Variants in GRID1 observed in about 807,000 individuals in gnomAD.
The protein encoded by GRID1 is glutamate receptor ionotropic, delta-1.
GRID1 carries 28 observed loss-of-function variants against 98.0 expected under a neutral mutation model. The observed-to-expected ratio is 0.29, with a 90% CI of 0.21 to 0.39. The LOEUF is 0.39. Ranked by LOEUF, GRID1 falls within the 10% of genes least tolerant of loss-of-function variation. The pLI, the probability that GRID1 is intolerant of heterozygous loss-of-function variation, is 1.00. For missense variants in GRID1, 1,111 were observed against 1,340.5 expected (o/e 0.83, Z 2.67); for synonymous variants, 553 against 538.5 (o/e 1.03, Z -0.37).
At chr10:85,840,007 G>A (rs1410498863) in intron 8 of GRID1, among the ~76,000 whole-genome samples, 2 of 152,072 alleles carry the variant, frequency 1.3e-5, no homozygotes, top group African/African-American at 4.8e-5. Flanking sequence ...AAATCTAGAA[G>A]AAATTGATAA....
At chr10:85,701,975 T>C (rs1841456618) in intron 12 of GRID1, among the ~76,000 whole-genome samples, 1 of 151,956 alleles carries the variant, frequency 6.6e-6, no homozygotes, top group Admixed American at 6.6e-5. Context: ...GAAAAGTACA[T>C]GAAGATATTT....
At chr10:85,620,155 G>C (rs1842843052) in intron 13 of GRID1, 122 bp from the exon 14 acceptor site, 1 of 732,054 alleles carries the variant, frequency 1.4e-6, no homozygotes, top group Non-Finnish European at 2.3e-6. Context: ...CTACCCACCA[G>C]ACAGCACAGC....
At chr10:86,092,744 T>C (rs77255965) in intron 4 of GRID1, among the ~76,000 whole-genome samples, 3 of 152,144 alleles carry the variant, frequency 2.0e-5, no homozygotes, top group Admixed American at 6.5e-5. Context: ...AAACAATTAC[T>C]AATAGACCTA....
intron 3 of GRID1, among the ~76,000 whole-genome samples, chr10:86,141,559 G>A (rs1444922459): frequency 6.6e-6 from 1 of 152,212 alleles, no homozygotes; most frequent in East Asian, 1.9e-4. Context: ...GCTGTGCTGG[G>A]CACATAACAG....
At chr10:85,938,305 G>A (rs372377841) in intron 4 of GRID1, among the ~76,000 whole-genome samples, 2 of 152,132 alleles carry the variant, frequency 1.3e-5, no homozygotes, top group East Asian at 3.9e-4. Flanking sequence ...CTCCCTAGTG[G>A]ATTACCAGCA....
chr10:85,701,232 G>T (rs1176209719), intron 12 of GRID1, among the ~76,000 whole-genome samples: 1 of 152,132 alleles, frequency 6.6e-6, no homozygotes, highest in African/African-American at 2.4e-5. Context: ...TATATTTACA[G>T]AGACAAAGTA....
chr10:85,978,249 T>C (rs772584295), intron 4 of GRID1, among the ~76,000 whole-genome samples: 1 of 152,156 alleles, frequency 6.6e-6, no homozygotes, highest in Non-Finnish European at 1.5e-5. Context: ...GCCAAGGCTA[T>C]TCCATTCACC....
At chr10:85,855,101 C>A (rs1843097034) in intron 7 of GRID1, among the ~76,000 whole-genome samples, 1 of 152,244 alleles carries the variant, frequency 6.6e-6, no homozygotes, top group Non-Finnish European at 1.5e-5. Flanking sequence ...TAGCTTGGAT[C>A]CTGGCTTTGC....
chr10:86,053,316 G>A (rs1173818630), intron 4 of GRID1, among the ~76,000 whole-genome samples: 4 of 151,888 alleles, frequency 2.6e-5, no homozygotes, highest in Admixed American at 6.6e-5. Flanking sequence ...AGCTACTCTC[G>A]TGGACATCTA....
intron 12 of GRID1, among the ~76,000 whole-genome samples, chr10:85,694,550 G>GTA (rs56344083): frequency 1.2e-3 from 113 of 92,732 alleles, no homozygotes; most frequent in East Asian, 2.3e-3. Context: ...AATGTGGTGT[G>GTA]TATATATATA....
At chr10:85,787,825 C>G (rs1842443284) in intron 8 of GRID1, among the ~76,000 whole-genome samples, 1 of 152,128 alleles carries the variant, frequency 6.6e-6, no homozygotes, top group African/African-American at 2.4e-5. Flanking sequence ...GCCAGGGGCC[C>G]CCACACCACC....
Position 86,285,882 on chromosome 10 carries a change from C to G in GRID1, c.235+78059G>C, listed in dbSNP as rs532004651. Among the ~76,000 whole-genome samples, 363 of 152,256 alleles carry G rather than the reference C, an allele frequency of 2.4e-3. 1 individual carries two copies. Among genetic ancestry groups the G allele is most frequent in the African/African-American group, 7.1e-3 (295 of 41,534 alleles). ...ACATTGTAATGAAAAGACGTTTGAG[C>G]AAAACCGTATTTGAGAACCTGCTGT... On this transcript the variant is annotated intron_variant, in intron 2 of 15. Coordinates refer to ENST00000327946, the MANE Select transcript of GRID1 (RefSeq NM_017551.3).
At chr10:85,854,225 G>C (rs1214244369) in intron 8 of GRID1, among the ~76,000 whole-genome samples, 1 of 152,090 alleles carries the variant, frequency 6.6e-6, no homozygotes, top group Non-Finnish European at 1.5e-5. Context: ...GCAGCCCCCT[G>C]ATCCAAGCAG....
rs1843207955 is a variant in GRID1 at position 85,647,297 on chromosome 10, C to T, written c.2098G>A (p.Glu700Lys). Residue 700 changes from glutamate to lysine, a missense_variant, in exon 13 of 16, where the codon GAG becomes AAG. This residue lies in a region of GRID1 where 762 missense variants were observed against 869.1 expected (regional missense o/e 0.88). Coordinates refer to ENST00000327946, the MANE Select transcript of GRID1 (RefSeq NM_017551.3). ...YFRAKGTNPL[E>K]QDSTFAELWR... is the part of the protein sequence containing the mutation. ...AGTTCAGCAAACGTGCTGTCCTGCT[C>T]CAGGGGGTTGGTGCCCTTGGCTCGG... is the stretch of plus-strand genomic sequence containing the variant. 1 of 1,614,230 alleles carries T rather than the reference C, an allele frequency of 6.2e-7. No individual in the cohort carries two copies. The highest frequency in any genetic ancestry group is 8.5e-7 in the Non-Finnish European group (1 of 1,180,018).
At position 86,004,022 on chromosome 10, in the gene GRID1, G is replaced by GT. The variant is rs1842830969; in HGVS notation, c.727-87784dup. On this transcript the variant is annotated intron_variant, in intron 4 of 15. Transcript: ENST00000327946. ...GCAGAGCAACAGGAAGAAGGAAACTGTGCACAGGAATCCAATCAACAGATA... is the reference window on the plus strand; with the variant it reads ...GCAGAGCAACAGGAAGAAGGAAACTGTTGCACAGGAATCCAATCAACAGATA... Among the ~76,000 whole-genome samples, 3 of 152,328 alleles carry GT rather than the reference G, an allele frequency of 2.0e-5. No homozygotes were observed. The South Asian group carries it at 6.2e-4, about 32-fold the overall frequency.
intron 6 of GRID1, among the ~76,000 whole-genome samples, chr10:85,865,971 A>ATATATATATATATATATACATATATATG (rs1564613351): frequency 9.3e-6 from 1 of 107,700 alleles, no homozygotes; most frequent in Non-Finnish European, 2.1e-5. Context: ...AGAGAGAGAG[A>ATATATATATATATATATACATATATATG]GAGAGAGAGA....
chr10:85,607,942 T>C (rs2132507840), intron 15 of GRID1, among the ~76,000 whole-genome samples: 1 of 151,976 alleles, frequency 6.6e-6, no homozygotes, highest in South Asian at 2.1e-4. Context: ...CTCAGCCTCC[T>C]GAGTAGCTCG....
chr10:85,781,303 A>G (rs1379511923), intron 8 of GRID1, among the ~76,000 whole-genome samples: 1 of 152,238 alleles, frequency 6.6e-6, no homozygotes, highest in Non-Finnish European at 1.5e-5. Flanking sequence ...GAGTCATAAT[A>G]TCATTTGGGG....
chr10:85,717,107 TTAAA>T (rs1841648720), intron 12 of GRID1, among the ~76,000 whole-genome samples: 1 of 152,234 alleles, frequency 6.6e-6, no homozygotes, highest in Non-Finnish European at 1.5e-5. Flanking sequence ...ACAGCAGATC[TTAAA>T]TATTCTCATC....
Sources: allele counts gnomAD v4.1 joint callset (sites outside exome capture counted in the v4.1 genomes callset), GRCh38; gene constraint gnomAD v4.1.1; regional missense constraint gnomAD v4.1.1; transcripts MANE v1.5; gene names NCBI Gene and HGNC (gene_info 2026-07-23, HGNC 2026-07-21).